HS3ST4: variants seen among roughly 807,000 people sequenced by gnomAD.
HS3ST4 encodes the protein heparan sulfate glucosamine 3-O-sulfotransferase 4.
HS3ST4 carries 17 observed loss-of-function variants against 29.2 expected under a neutral mutation model. The observed-to-expected ratio is 0.58, with a 90% CI of 0.40 to 0.87. The LOEUF (loss-of-function observed/expected upper bound fraction) is 0.87, where lower values mean the gene tolerates loss of function less well. Among genes scored for constraint, HS3ST4 ranks in the 40% least tolerant of loss-of-function variants. HS3ST4 has a pLI of 0.00. For synonymous variants in HS3ST4, 314 were observed against 285.7 expected, an observed-to-expected ratio of 1.10 and a Z score of -1.00; for missense variants, 627 against 634.5, an observed-to-expected ratio of 0.99 and a Z score of 0.13.
In HS3ST4 at chr16:25,821,683, T is replaced by C. The variant is rs183826441; in HGVS notation, c.734+128532T>C. Among the ~76,000 whole-genome samples, 650 of 152,244 alleles carry C rather than the reference T, an allele frequency of 4.3e-3. 18 individuals carry two copies. Among genetic ancestry groups the C allele is most frequent in the Non-Finnish European group, 2.8e-3 (191 of 68,008 alleles). On this transcript the variant is annotated intron_variant, in intron 1 of 1. Transcript: ENST00000331351. ...GGCTCACACCTGTAATCCTAGCACT[T>C]TGGGAGGACGAGGAGGGTGGATTGC...
At chr16:25,900,143 A>G (rs1968108094) in intron 1 of HS3ST4, among the ~76,000 whole-genome samples, 1 of 152,206 alleles carries the variant, frequency 6.6e-6, no homozygotes, top group Admixed American at 6.5e-5. Context: ...TAGGTGTGTA[A>G]CGTTTATCTT....
chr16:25,763,650 G>A (rs777488049), intron 1 of HS3ST4, among the ~76,000 whole-genome samples: 6 of 152,168 alleles, frequency 3.9e-5, no homozygotes, highest in Non-Finnish European at 7.4e-5. Context: ...CAGGCAGAGG[G>A]AAGGAATATG....
intron 1 of HS3ST4, among the ~76,000 whole-genome samples, chr16:25,901,731 G>A (rs1180266939): frequency 1.3e-5 from 2 of 152,098 alleles, no homozygotes; most frequent in Non-Finnish European, 2.9e-5. Flanking sequence ...TCACACAGAA[G>A]AGCTGTTTCA....
intron 1 of HS3ST4, among the ~76,000 whole-genome samples, chr16:25,823,102 G>C (rs1567247955): frequency 6.6e-6 from 1 of 152,124 alleles, no homozygotes; most frequent in East Asian, 1.9e-4. Flanking sequence ...TCAAGCCCCA[G>C]CTTCTTCTTT....
intron 1 of HS3ST4, among the ~76,000 whole-genome samples, chr16:25,708,576 T>C (rs1489487420): frequency 6.6e-6 from 1 of 152,160 alleles, no homozygotes; most frequent in Non-Finnish European, 1.5e-5. Context: ...CAATTAATAT[T>C]AAGAAATATT....
intron 1 of HS3ST4, among the ~76,000 whole-genome samples, chr16:25,952,169 A>T (rs1327117298): frequency 6.6e-6 from 1 of 152,166 alleles, no homozygotes; most frequent in Non-Finnish European, 1.5e-5. Context: ...CAGAGACAGC[A>T]TGAGTCATAA....
chr16:25,828,320 C>T (rs1282150851), intron 1 of HS3ST4, among the ~76,000 whole-genome samples: 11 of 133,270 alleles, frequency 8.3e-5, no homozygotes, highest in African/African-American at 1.7e-4. Flanking sequence ...CTCTCTCTCT[C>T]TCTCTCTCTC....
chr16:26,117,497 G>T (rs1194292257), intron 1 of HS3ST4, among the ~76,000 whole-genome samples: 1 of 152,210 alleles, frequency 6.6e-6, no homozygotes, highest in African/African-American at 2.4e-5. Flanking sequence ...CCTTCCCAGA[G>T]ACTGGAGACA....
At chr16:25,853,983 A>G (rs1000566936) in intron 1 of HS3ST4, among the ~76,000 whole-genome samples, 1 of 152,122 alleles carries the variant, frequency 6.6e-6, no homozygotes. Context: ...CTAACTTATC[A>G]TTGTTGAGAG....
rs566746256 is a variant in HS3ST4, at chr16:25,751,000, G to T, written c.734+57849G>T. On this transcript the variant is annotated intron_variant, in intron 1 of 1. Transcript: ENST00000331351. Reference sequence around the variant, plus strand: ...GAGGAAAGGAATGTTAATTTGCAGGGAGTCCCCATTGTGTGGTGGAAGTGC... The same window carrying T: ...GAGGAAAGGAATGTTAATTTGCAGGTAGTCCCCATTGTGTGGTGGAAGTGC... Among the ~76,000 whole-genome samples the T allele has an allele frequency of 5.3e-5, 8 of 152,292 alleles. No individual in the cohort carries two copies. The East Asian group carries it at 1.5e-3, about 29-fold the overall frequency.
chr16:25,732,667 C>T (rs1031674760), intron 1 of HS3ST4, among the ~76,000 whole-genome samples: 1 of 152,174 alleles, frequency 6.6e-6, no homozygotes, highest in African/African-American at 2.4e-5. Context: ...GCAGTCTTGA[C>T]TGATTTAACA....
intron 1 of HS3ST4, among the ~76,000 whole-genome samples, chr16:26,093,231 G>A (rs1245449946): frequency 6.6e-6 from 1 of 152,198 alleles, no homozygotes; most frequent in South Asian, 2.1e-4. Flanking sequence ...TCTGAAGAGA[G>A]CAGTGGTTCT....
chr16:26,038,217 C>CT (rs1487620713), intron 1 of HS3ST4, among the ~76,000 whole-genome samples: 1 of 152,156 alleles, frequency 6.6e-6, no homozygotes, highest in Non-Finnish European at 1.5e-5. Context: ...CCGATTGCCC[C>CT]TGTGGTGAGT....
intron 1 of HS3ST4, among the ~76,000 whole-genome samples, chr16:25,926,165 T>A (rs1968400939): frequency 6.6e-6 from 1 of 152,166 alleles, no homozygotes; most frequent in Non-Finnish European, 1.5e-5. Context: ...ACAATCCAAC[T>A]TAGAACATTA....
At chr16:25,778,151 T>TA (rs397698952) in intron 1 of HS3ST4, among the ~76,000 whole-genome samples, 8 of 151,528 alleles carry the variant, frequency 5.3e-5, no homozygotes, top group African/African-American at 1.5e-4. Flanking sequence ...TATATATATA[T>TA]TTTTTCTACA....
At chr16:26,014,319 C>A (rs1969342483) in intron 1 of HS3ST4, among the ~76,000 whole-genome samples, 1 of 152,100 alleles carries the variant, frequency 6.6e-6, no homozygotes. Flanking sequence ...TCTATCGTCA[C>A]CATTTTACTT....
At chr16:26,054,846 G>A (rs1898388422) in intron 1 of HS3ST4, among the ~76,000 whole-genome samples, 1 of 151,876 alleles carries the variant, frequency 6.6e-6, no homozygotes, top group African/African-American at 2.4e-5. Flanking sequence ...AGTGTGAGAT[G>A]GATGTTTCTG....
At chr16:25,720,978 C>T (rs1051308048) in intron 1 of HS3ST4, among the ~76,000 whole-genome samples, 13 of 152,282 alleles carry the variant, frequency 8.5e-5, no homozygotes, top group South Asian at 4.1e-4. Context: ...GAGCTGGGCA[C>T]GTTGTTGCCC....
At chr16:26,075,887 G>C (rs954458321) in intron 1 of HS3ST4, among the ~76,000 whole-genome samples, 1 of 152,136 alleles carries the variant, frequency 6.6e-6, no homozygotes, top group Admixed American at 6.5e-5. Context: ...GTTAGTCTCA[G>C]CATTCCTCCT....
Sources: gnomAD v4.1 joint callset for allele counts (sites outside exome capture counted in the v4.1 genomes callset) on GRCh38, gnomAD v4.1.1 for gene constraint, MANE v1.5 for transcripts, NCBI Gene and HGNC (gene_info 2026-07-23, HGNC 2026-07-21) for gene names.